Variants in LTBP1 observed in about 807,000 individuals in gnomAD.
LTBP1 encodes the protein latent transforming growth factor beta binding protein 1.
In LTBP1, 129 loss-of-function variants were observed where a neutral mutation model predicts 207.6. The ratio of observed to expected loss-of-function variants is 0.62; its 90% CI spans 0.54 to 0.72. The LOEUF (loss-of-function observed/expected upper bound fraction) is 0.72. LTBP1 is among the 30% of genes least tolerant of loss of function. LTBP1 has a pLI of 0.00. For missense variants in LTBP1, 2,281 were observed against 2,217.2 expected, an observed-to-expected ratio of 1.03 and a Z score of -0.58; for synonymous variants, 963 against 833.7, an observed-to-expected ratio of 1.16 and a Z score of -2.67.
rs900169600 is a variant in LTBP1 at position 33,081,519 on chromosome 2, C to T, written c.864-29063C>T. Among the ~76,000 whole-genome samples the T allele has an allele frequency of 3.3e-5, 5 of 152,168 alleles. No homozygotes were observed. The East Asian group carries it at 5.8e-4, about 18-fold the overall frequency. On this transcript the variant is annotated intron_variant, in intron 3 of 33. Coordinates refer to ENST00000404816, the MANE Select transcript of LTBP1 (RefSeq NM_206943.4). ...AGGGCAGTAGTTGTGGAGGGAATTC[C>T]GTGCTCAATCCATCAGGGTAGGAAA...
chr2:33,088,469 A>AG (rs1558620758), intron 3 of LTBP1, among the ~76,000 whole-genome samples: 1 of 152,102 alleles, frequency 6.6e-6, no homozygotes, highest in East Asian at 1.9e-4. Flanking sequence ...GAAAAAAAAA[A>AG]GGACCAGTGT....
intron 9 of LTBP1, among the ~76,000 whole-genome samples, chr2:33,238,926 G>T (rs1357201964): frequency 6.6e-6 from 1 of 152,062 alleles, no homozygotes; most frequent in Non-Finnish European, 1.5e-5. Context: ...TTTTATGTTG[G>T]GTTGTTCATA....
At chr2:33,170,182 G>A (rs533444464) in intron 5 of LTBP1, among the ~76,000 whole-genome samples, 12 of 152,260 alleles carry the variant, frequency 7.9e-5, no homozygotes, top group South Asian at 4.1e-4. Flanking sequence ...CACCGTGCTC[G>A]AGCCGAAGCA....
chr2:33,343,028 C>T, intron 25 of LTBP1, 65 bp downstream of exon 25: 1 of 1,530,058 alleles, frequency 6.5e-7, no homozygotes, highest in Non-Finnish European at 8.8e-7. Context: ...TCACAGTGAA[C>T]AACAGGAGCT....
chr2:32,965,149 G>A (rs1327051965), intron 2 of LTBP1, among the ~76,000 whole-genome samples: 1 of 152,150 alleles, frequency 6.6e-6, no homozygotes, highest in Non-Finnish European at 1.5e-5. Context: ...TAGCTCCATG[G>A]TCAAAGTGGA....
chr2:33,353,607 T>G (rs1404693827), intron 26 of LTBP1, among the ~76,000 whole-genome samples: 1 of 152,038 alleles, frequency 6.6e-6, no homozygotes, highest in African/African-American at 2.4e-5. Context: ...TAAAAATAAT[T>G]TTTCATTTTT....
chr2:33,181,728 C>T (rs545191313), intron 5 of LTBP1, among the ~76,000 whole-genome samples: 2 of 152,280 alleles, frequency 1.3e-5, no homozygotes, highest in South Asian at 2.1e-4. Flanking sequence ...AATATATGCC[C>T]CATGGCTAGC....
chr2:33,223,259 A>G (rs755547034), intron 9 of LTBP1, among the ~76,000 whole-genome samples: 15 of 152,226 alleles, frequency 9.9e-5, no homozygotes, highest in Admixed American at 6.5e-4. Context: ...GAATTTTCTC[A>G]ATTGTCTATA....
chr2:33,041,891 T>C (rs1047572078), intron 3 of LTBP1, among the ~76,000 whole-genome samples: 3 of 152,222 alleles, frequency 2.0e-5, no homozygotes, highest in Admixed American at 1.3e-4. Context: ...AGAGTGATAA[T>C]GGTATGTGTA....
intron 7 of LTBP1, among the ~76,000 whole-genome samples, chr2:33,193,611 T>C (rs1396941480): frequency 6.6e-6 from 1 of 152,244 alleles, no homozygotes; most frequent in East Asian, 1.9e-4. Context: ...GCCTTGCTTA[T>C]AGGCAAGCAA....
chr2:33,120,522 T>G (rs1199530302), intron 4 of LTBP1, among the ~76,000 whole-genome samples: 1 of 152,232 alleles, frequency 6.6e-6, no homozygotes, highest in Non-Finnish European at 1.5e-5. Context: ...CATGATCTCA[T>G]TCTTTTTTAT....
chr2:33,332,018 A>T (rs2094499444), intron 24 of LTBP1, among the ~76,000 whole-genome samples: 1 of 152,164 alleles, frequency 6.6e-6, no homozygotes, highest in Admixed American at 6.5e-5. Context: ...ATCTTAAAAC[A>T]AGATTTTATT....
At chr2:33,152,207 C>G (rs1373295035) in intron 5 of LTBP1, among the ~76,000 whole-genome samples, 1 of 151,764 alleles carries the variant, frequency 6.6e-6, no homozygotes. Context: ...ACAAGGAACT[C>G]AAAAAAGCAG....
At chr2:33,109,030 T>TC (rs1226446156) in intron 3 of LTBP1, among the ~76,000 whole-genome samples, 2 of 152,224 alleles carry the variant, frequency 1.3e-5, no homozygotes, top group African/African-American at 4.8e-5. Context: ...AAATAGATTT[T>TC]CCAGGCTTTC....
chr2:33,006,406 C>T lies in LTBP1; in HGVS notation c.566-14503C>T, dbSNP rs1467118198. Among the ~76,000 whole-genome samples the T allele has an allele frequency of 2.5e-5, 3 of 119,494 alleles. No individual in the cohort carries two copies. The Admixed American group carries it at 3.0e-4, about 12-fold the overall frequency. 78.4% of individuals were successfully genotyped at this position (119,494 alleles called of 152,430 possible). On this transcript the variant is annotated intron_variant, in intron 2 of 33. Transcript: ENST00000404816. ...CTTTTTTTTTTTTTTTTTTTTGAGACAGAGTCTTGCTCTATCACCCAGGCT... is the reference window on the plus strand; with the variant it reads ...CTTTTTTTTTTTTTTTTTTTTGAGATAGAGTCTTGCTCTATCACCCAGGCT...
At chr2:33,343,618 A>G (rs1051908319) in intron 25 of LTBP1, among the ~76,000 whole-genome samples, 1 of 152,118 alleles carries the variant, frequency 6.6e-6, no homozygotes, top group Non-Finnish European at 1.5e-5. Flanking sequence ...ATCCCCTTAG[A>G]CAGTGCGTTT....
rs192447956 is a variant in LTBP1 at position 33,109,241 on chromosome 2, C to T, written c.864-1341C>T. Among the ~76,000 whole-genome samples, 272 of 152,276 alleles carry T rather than the reference C, an allele frequency of 1.8e-3. 2 individuals are homozygous for T. In the South Asian group the frequency reaches 0.027, roughly 15 times the overall value. On this transcript the variant is annotated intron_variant, in intron 3 of 33. Transcript: ENST00000404816. ...ACTGCTTTTGATATGAGACATTGTACGGTGGTGTTTTGGGTGGCTTGACAA... is the reference window on the plus strand; with the variant it reads ...ACTGCTTTTGATATGAGACATTGTATGGTGGTGTTTTGGGTGGCTTGACAA...
intron 18 of LTBP1, among the ~76,000 whole-genome samples, chr2:33,277,414 C>G (rs370460275): frequency 8.5e-4 from 129 of 152,324 alleles, no homozygotes; most frequent in Non-Finnish European, 1.5e-3. Context: ...CAGCTCACCA[C>G]GCCCACAGTA....
At chr2:33,078,868 T>C (rs1458802153) in intron 3 of LTBP1, among the ~76,000 whole-genome samples, 1 of 136,252 alleles carries the variant, frequency 7.3e-6, no homozygotes, top group African/African-American at 2.6e-5. Context: ...TTTTCTTTTT[T>C]TTTTTTTTTG....
Sources: allele counts gnomAD v4.1 joint callset (sites outside exome capture counted in the v4.1 genomes callset), GRCh38; gene constraint gnomAD v4.1.1; transcripts MANE v1.5; gene names NCBI Gene and HGNC (gene_info 2026-07-23, HGNC 2026-07-21).